The following CNTNAP2 variants were observed in gnomAD, a reference collection of about 807,000 sequenced individuals.
CNTNAP2 encodes contactin associated protein 2.
A neutral mutation model predicts 155.2 loss-of-function variants in CNTNAP2; 98 were observed. The ratio of observed to expected loss-of-function variants is 0.63; its 90% CI spans 0.54 to 0.75. The LOEUF (loss-of-function observed/expected upper bound fraction) is 0.75, where lower values mean the gene tolerates loss of function less well. Ranked by LOEUF, CNTNAP2 falls within the 30% of genes least tolerant of loss-of-function variation. The pLI is 0.00. For synonymous variants in CNTNAP2, 651 were observed against 631.2 expected, an observed-to-expected ratio of 1.03 and a Z score of -0.47; for missense variants, 1,727 against 1,688.1, an observed-to-expected ratio of 1.02 and a Z score of -0.40.
chr7:147,033,125 G>T (rs989775916), intron 3 of CNTNAP2, among the ~76,000 whole-genome samples: 28 of 139,634 alleles, frequency 2.0e-4, no homozygotes, highest in African/African-American at 6.9e-4. Flanking sequence ...AAGAGCAGTA[G>T]GGTCTAGAGA....
chr7:147,648,304 G>C (rs557657966), intron 13 of CNTNAP2, among the ~76,000 whole-genome samples: 1 of 152,288 alleles, frequency 6.6e-6, no homozygotes, highest in East Asian at 1.9e-4. Flanking sequence ...CAAGAAGGGA[G>C]CTAAAGACAA....
chr7:147,996,901 A>G (rs1217657143), intron 15 of CNTNAP2, among the ~76,000 whole-genome samples: 1 of 152,190 alleles, frequency 6.6e-6, no homozygotes, highest in Non-Finnish European at 1.5e-5. Flanking sequence ...TTGAAACCTA[A>G]TCACCCACAT....
intron 1 of CNTNAP2, among the ~76,000 whole-genome samples, chr7:146,551,754 T>A (rs940209210): frequency 2.0e-5 from 3 of 152,130 alleles, no homozygotes; most frequent in African/African-American, 7.2e-5. Flanking sequence ...GTCCAGCTCC[T>A]GAGCAAGCTT....
At chr7:148,096,140 A>T (rs1803961685) in intron 15 of CNTNAP2, among the ~76,000 whole-genome samples, 2 of 152,204 alleles carry the variant, frequency 1.3e-5, no homozygotes, top group African/African-American at 4.8e-5. Flanking sequence ...TTCATGGTCA[A>T]ATGTAAACTT....
chr7:147,477,022 A>G (rs1584758190), intron 10 of CNTNAP2, among the ~76,000 whole-genome samples: 1 of 152,018 alleles, frequency 6.6e-6, no homozygotes, highest in East Asian at 1.9e-4. Context: ...GATACTTAAA[A>G]CAAGTATGTT....
intron 13 of CNTNAP2, among the ~76,000 whole-genome samples, chr7:147,662,333 T>A (rs146396187): frequency 6.6e-6 from 1 of 152,326 alleles, no homozygotes; most frequent in East Asian, 1.9e-4. Flanking sequence ...TATGATGGGA[T>A]GGCACAGTCC....
chr7:147,460,798 T>A (rs1212357771), intron 10 of CNTNAP2, among the ~76,000 whole-genome samples: 1 of 152,224 alleles, frequency 6.6e-6, no homozygotes, highest in Non-Finnish European at 1.5e-5. Flanking sequence ...TTAGATACCA[T>A]CTGATGCAGC....
intron 1 of CNTNAP2, among the ~76,000 whole-genome samples, chr7:146,425,072 G>A (rs959236226): frequency 2.0e-5 from 3 of 152,022 alleles, no homozygotes; most frequent in African/African-American, 4.8e-5. Flanking sequence ...CATGACATCC[G>A]TAAACACAAC....
At chr7:147,372,024 G>C (rs1338661312) in intron 9 of CNTNAP2, among the ~76,000 whole-genome samples, 3 of 152,100 alleles carry the variant, frequency 2.0e-5, no homozygotes, top group Admixed American at 6.6e-5. Context: ...CTGTGAGAGA[G>C]AGGGTGCATC....
intron 1 of CNTNAP2, among the ~76,000 whole-genome samples, chr7:146,674,561 G>C (rs958520472): frequency 6.6e-6 from 1 of 152,100 alleles, no homozygotes; most frequent in African/African-American, 2.4e-5. Flanking sequence ...GCTGAGGCCT[G>C]TGAATTATAC....
At chr7:146,156,414 T>G (rs1798127149) in intron 1 of CNTNAP2, among the ~76,000 whole-genome samples, 1 of 152,196 alleles carries the variant, frequency 6.6e-6, no homozygotes, top group South Asian at 2.1e-4. Context: ...GATATACATG[T>G]GATGAGGAAT....
chr7:147,271,879 A>G (rs1366899899), intron 8 of CNTNAP2, among the ~76,000 whole-genome samples: 1 of 152,092 alleles, frequency 6.6e-6, no homozygotes, highest in African/African-American at 2.4e-5. Context: ...ATCTCTAGTA[A>G]TTTGAAATTA....
intron 1 of CNTNAP2, among the ~76,000 whole-genome samples, chr7:146,380,855 T>C (rs1362490941): frequency 1.9e-4 from 23 of 119,302 alleles, no homozygotes; most frequent in African/African-American, 5.4e-4. Flanking sequence ...TGGAGTGCAG[T>C]GGCGCAATCT....
intron 1 of CNTNAP2, among the ~76,000 whole-genome samples, chr7:146,654,173 T>C (rs1799959295): frequency 6.6e-6 from 1 of 152,014 alleles, no homozygotes; most frequent in Non-Finnish European, 1.5e-5. Context: ...ACGATGTCCT[T>C]GCACATAAAC....
intron 1 of CNTNAP2, among the ~76,000 whole-genome samples, chr7:146,595,061 C>T (rs1174746466): frequency 6.6e-6 from 1 of 152,058 alleles, no homozygotes; most frequent in African/African-American, 2.4e-5. Context: ...TGGCTTGAAA[C>T]TTCCTGATAT....
At chr7:146,556,069 G>T (rs1051428472) in intron 1 of CNTNAP2, among the ~76,000 whole-genome samples, 2 of 152,096 alleles carry the variant, frequency 1.3e-5, no homozygotes, top group African/African-American at 2.4e-5. Context: ...TATCAGCAAC[G>T]TTTATTGGAT....
At chr7:146,545,038 A>G (rs1220249486) in intron 1 of CNTNAP2, among the ~76,000 whole-genome samples, 3 of 151,924 alleles carry the variant, frequency 2.0e-5, no homozygotes, top group East Asian at 1.9e-4. Flanking sequence ...AGATAAATGG[A>G]TAGCTCACCA....
intron 8 of CNTNAP2, among the ~76,000 whole-genome samples, chr7:147,163,677 A>G (rs114017584): frequency 0.016 from 2,406 of 152,258 alleles, 49 homozygotes; most frequent in African/African-American, 0.054. Context: ...CCTCTATGGT[A>G]TCTAGAAGAG....
chr7:147,089,094 A>G (rs1271160718), intron 4 of CNTNAP2, among the ~76,000 whole-genome samples: 1 of 152,196 alleles, frequency 6.6e-6, no homozygotes. Flanking sequence ...TCCGCCCAAG[A>G]TGGGTTAGAT....
Sources: gnomAD v4.1 joint callset for allele counts (sites outside exome capture counted in the v4.1 genomes callset) on GRCh38, gnomAD v4.1.1 for gene constraint, MANE v1.5 for transcripts, NCBI Gene and HGNC (gene_info 2026-07-23, HGNC 2026-07-21) for gene names.